The following HDAC9 variants were observed in gnomAD, a reference collection of about 807,000 sequenced individuals.
The protein encoded by HDAC9 is MEF-2 interacting transcription repressor (MITR) protein.
HDAC9 carries 41 observed loss-of-function variants against 139.4 expected under a neutral mutation model. The observed-to-expected ratio is 0.29, with a 90% CI of 0.23 to 0.38. The LOEUF is 0.38. HDAC9 is among the 10% of genes least tolerant of loss of function. HDAC9 has a pLI of 1.00. For missense variants in HDAC9, 1,147 were observed against 1,297.0 expected, an observed-to-expected ratio of 0.88 and a Z score of 1.78; for synonymous variants, 517 against 476.2, an observed-to-expected ratio of 1.09 and a Z score of -1.12.
chr7:18,675,377 C>CT (rs1000584674), intron 12 of HDAC9, among the ~76,000 whole-genome samples: 132 of 152,030 alleles, frequency 8.7e-4, no homozygotes, highest in African/African-American at 3.0e-3. Flanking sequence ...TGCCAAGCCT[C>CT]TGTTTACTGG....
At chr7:18,097,617 T>G (rs2697898) in intron 1 of HDAC9, among the ~76,000 whole-genome samples, 123,780 of 152,022 alleles carry the variant, frequency 0.81, 51,053 homozygotes, top group East Asian at 0.94. Flanking sequence ...ACACAGGCTA[T>G]AATGCAGCAG....
chr7:18,815,610 CT>C (rs1185351970), intron 17 of HDAC9, among the ~76,000 whole-genome samples: 5 of 152,198 alleles, frequency 3.3e-5, no homozygotes, highest in African/African-American at 1.2e-4. Flanking sequence ...AGGCTGAAGG[CT>C]GTAGGCATGA....
At chr7:18,492,250 A>G (rs753036603), upstream of HDAC9, among the ~76,000 whole-genome samples, 12 of 151,952 alleles carry the variant, frequency 7.9e-5, no homozygotes, top group Non-Finnish European at 1.3e-4. Flanking sequence ...TCAGATTTCA[A>G]CATTCAGGAT....
chr7:18,867,745 T>C (rs1798604116), intron 21 of HDAC9, among the ~76,000 whole-genome samples: 1 of 152,174 alleles, frequency 6.6e-6, no homozygotes, highest in South Asian at 2.1e-4. Flanking sequence ...CTGTCGTAAG[T>C]TGATCATTTC....
chr7:18,880,194 T>C (rs2129253985), intron 22 of HDAC9, among the ~76,000 whole-genome samples: 1 of 152,206 alleles, frequency 6.6e-6, no homozygotes, highest in South Asian at 2.1e-4. Flanking sequence ...AAGGAACACT[T>C]AGACACTGTT....
At chr7:18,378,943 G>A (rs1012674948) in intron 1 of HDAC9, among the ~76,000 whole-genome samples, 1 of 151,878 alleles carries the variant, frequency 6.6e-6, no homozygotes, top group Non-Finnish European at 1.5e-5. Flanking sequence ...CTGATTTATG[G>A]GCACATCAGT....
At chr7:18,193,862 C>A (rs1790542009) in intron 2 of HDAC9, among the ~76,000 whole-genome samples, 2 of 152,132 alleles carry the variant, frequency 1.3e-5, no homozygotes, top group African/African-American at 4.8e-5. Context: ...CCTGGCAATT[C>A]CTGAAGGTGG....
chr7:18,966,043 A>C (rs1379751914), intron 24 of HDAC9, among the ~76,000 whole-genome samples: 1 of 152,166 alleles, frequency 6.6e-6, no homozygotes, highest in Non-Finnish European at 1.5e-5. Flanking sequence ...TATTATCTAT[A>C]GTTTTATTAA....
At chr7:18,983,810 T>C (rs925803331) in intron 25 of HDAC9, among the ~76,000 whole-genome samples, 4 of 152,196 alleles carry the variant, frequency 2.6e-5, no homozygotes, top group Admixed American at 1.3e-4. Context: ...TGATATTTCA[T>C]TGTGGATTCA....
intron 25 of HDAC9, among the ~76,000 whole-genome samples, chr7:18,994,519 A>G (rs946791081): frequency 3.9e-5 from 6 of 152,222 alleles, no homozygotes; most frequent in Non-Finnish European, 8.8e-5. Flanking sequence ...TAACTTCTTA[A>G]GAAGCAACTT....
At chr7:18,829,343 A>G in intron 18 of HDAC9, 118 bp from the exon 19 acceptor site, 2 of 1,112,034 alleles carry the variant, frequency 1.8e-6, no homozygotes, top group Non-Finnish European at 2.8e-6. Flanking sequence ...GTACTCCCAG[A>G]AGCAGATTTA....
chr7:18,955,128 G>A (rs1783059659), intron 24 of HDAC9, among the ~76,000 whole-genome samples: 1 of 152,066 alleles, frequency 6.6e-6, no homozygotes, highest in Admixed American at 6.6e-5. Context: ...AATAAACTAT[G>A]AATTTTGAAG....
At chr7:18,980,763 TTCTTCTTCTTCTTCC>T (rs1327476513) in intron 25 of HDAC9, among the ~76,000 whole-genome samples, 14 of 150,136 alleles carry the variant, frequency 9.3e-5, no homozygotes, top group Admixed American at 4.0e-4. Flanking sequence ...TTCTTCCTTC[TTCTTCTTCTTCTTCC>T]TCTTCTTCTT....
intron 1 of HDAC9, among the ~76,000 whole-genome samples, chr7:18,488,456 C>T (rs975536998): frequency 1.3e-5 from 2 of 151,914 alleles, no homozygotes; most frequent in South Asian, 4.1e-4. Context: ...CACAGAAATG[C>T]TGTTTATACG....
chr7:18,400,267 G>C (rs906306489), intron 1 of HDAC9, among the ~76,000 whole-genome samples: 1 of 152,172 alleles, frequency 6.6e-6, no homozygotes, highest in South Asian at 2.1e-4. Context: ...AAAAGCATGC[G>C]ATGTGTAGGT....
chr7:18,699,200 A>G (rs999416484), intron 12 of HDAC9, among the ~76,000 whole-genome samples: 1 of 152,168 alleles, frequency 6.6e-6, no homozygotes, highest in African/African-American at 2.4e-5. Context: ...CAACATAATT[A>G]TGTTTTAAGC....
chr7:18,661,711 C>A (rs539555069), intron 11 of HDAC9, among the ~76,000 whole-genome samples: 13 of 152,172 alleles, frequency 8.5e-5, no homozygotes, highest in African/African-American at 2.6e-4. Flanking sequence ...AGAAACATTT[C>A]TTTTACAAAC....
At chr7:18,218,330 G>C (rs1255964595) in intron 2 of HDAC9, among the ~76,000 whole-genome samples, 1 of 152,058 alleles carries the variant, frequency 6.6e-6, no homozygotes, top group Non-Finnish European at 1.5e-5. Context: ...TGTAATCCCA[G>C]TTACTCAGAA....
intron 2 of HDAC9, among the ~76,000 whole-genome samples, chr7:18,185,606 A>G (rs1052079740): frequency 2.0e-5 from 3 of 152,190 alleles, no homozygotes; most frequent in Non-Finnish European, 4.4e-5. Flanking sequence ...ACATATCTAT[A>G]CTTTTTAAAA....
Sources: allele counts gnomAD v4.1 joint callset (sites outside exome capture counted in the v4.1 genomes callset), GRCh38; gene constraint gnomAD v4.1.1; transcripts MANE v1.5; gene names NCBI Gene and HGNC (gene_info 2026-07-23, HGNC 2026-07-21).